The following NSUN7 variants were observed in gnomAD, a reference collection of about 807,000 sequenced individuals.
NSUN7 encodes protein NSUN7.
A neutral mutation model predicts 58.5 loss-of-function variants in NSUN7; 39 were observed. The observed-to-expected ratio is 0.67, with a 90% CI of 0.52 to 0.87. The LOEUF is 0.87. Ranked by LOEUF, NSUN7 falls within the 40% of genes least tolerant of loss-of-function variation. NSUN7 has a pLI of 0.00. For synonymous variants in NSUN7, 278 were observed against 303.7 expected, an observed-to-expected ratio of 0.92 and a Z score of 0.88; for missense variants, 765 against 844.1, an observed-to-expected ratio of 0.91 and a Z score of 1.16.
intron 11 of NSUN7, among the ~76,000 whole-genome samples, 179 bp downstream of exon 11, chr4:40,807,363 T>C (rs1743850500): frequency 6.6e-6 from 1 of 151,724 alleles, no homozygotes; most frequent in African/African-American, 2.4e-5. Context: ...TTTTTTTTTT[T>C]TTTGAGACAG....
intron 9 of NSUN7, among the ~76,000 whole-genome samples, chr4:40,795,667 T>A (rs1289126784): frequency 6.6e-6 from 1 of 152,182 alleles, no homozygotes. Flanking sequence ...TAGTTTCCCA[T>A]AAGGAAATAC....
chr4:40,764,234 C>A (rs575888755), intron 4 of NSUN7, among the ~76,000 whole-genome samples: 15 of 118,798 alleles, frequency 1.3e-4, no homozygotes, highest in East Asian at 3.3e-4. Context: ...CCCCTCCCCC[C>A]ACCCCACAAC....
rs1743839067 is a variant in NSUN7 at position 40,807,153 on chromosome 4, A to G, written c.1493A>G (p.Asn498Ser). The change falls in exon 11 of 12, where the codon AAT (asparagine) becomes AGT (serine). Residue 498 changes from asparagine (N) to serine (S), a missense_variant. Coordinates refer to ENST00000381782, the MANE Select transcript of NSUN7 (RefSeq NM_024677.6). ...FFRMEPSEITNGCFLSILTRE... is the reference protein window; with the variant it reads ...FFRMEPSEITSGCFLSILTRE... ...AGAATGGAACCATCTGAAATTACCA[A>G]TGGTTGTTTTCTTTCTATTTTAACA... The G allele has an allele frequency of 1.3e-6, 2 of 1,550,118 alleles. No individual in the cohort carries two copies. The highest frequency in any genetic ancestry group is 1.4e-5 in the African/African-American group (1 of 72,888).
At chr4:40,768,662 C>CT (rs992207579) in intron 4 of NSUN7, among the ~76,000 whole-genome samples, 2 of 152,054 alleles carry the variant, frequency 1.3e-5, no homozygotes, top group Non-Finnish European at 2.9e-5. Context: ...TTTTTCTTCA[C>CT]TTATTCGTGG....
At position 40,783,846 on chromosome 4, in the gene NSUN7, TA is replaced by T. The variant is rs1324132904; in HGVS notation, c.1037-6741del. Among the ~76,000 whole-genome samples, 426 of 142,116 alleles carry T rather than the reference TA, an allele frequency of 3.0e-3. 1 individual carries two copies. Among genetic ancestry groups the T allele is most frequent in the East Asian group, 5.7e-3 (28 of 4,924 alleles). The allele number at this position is 142,116 out of a possible 152,430, so 93.2% of individuals were successfully genotyped here. On this transcript the variant is annotated intron_variant, in intron 7 of 11. Transcript: ENST00000381782. ...CTAGGCAACAGAGCGAGAATCCATT[TA>T]AAAAAAAAAAAAAAGATAACTCACA...
At chr4:40,787,949 C>T (rs769575897) in intron 7 of NSUN7, among the ~76,000 whole-genome samples, 3 of 152,176 alleles carry the variant, frequency 2.0e-5, no homozygotes, top group Non-Finnish European at 4.4e-5. Flanking sequence ...ATTCTCCTGC[C>T]TCACCCTCCT....
intron 6 of NSUN7, 44 bp downstream of exon 6, chr4:40,774,994 C>A: frequency 1.2e-6 from 1 of 806,286 alleles, no homozygotes; most frequent in Non-Finnish European, 2.0e-6. Context: ...ACAATCCAAC[C>A]TAGCCAAAGA....
chr4:40,808,040 A>G lies in NSUN7; in HGVS notation c.1525-267A>G, dbSNP rs887579709. Among the ~76,000 whole-genome samples the G allele has an allele frequency of 3.3e-5, 5 of 151,622 alleles. No homozygotes were observed. The East Asian group carries it at 9.7e-4, about 29-fold the overall frequency. On this transcript the variant is annotated intron_variant, in intron 11 of 11. Transcript: ENST00000381782. ...GCAAGACTCCATCTCAAAAAAAAAAAAAAAAAAAAAAAATCTGTGTGATTC... is the reference window on the plus strand; with the variant it reads ...GCAAGACTCCATCTCAAAAAAAAAAGAAAAAAAAAAAAATCTGTGTGATTC...
intron 3 of NSUN7, among the ~76,000 whole-genome samples, chr4:40,760,818 C>CAT (rs1741421034): frequency 6.8e-6 from 1 of 146,910 alleles, no homozygotes; most frequent in Non-Finnish European, 1.5e-5. Flanking sequence ...AGCTAGATTG[C>CAT]GCCATTGCAC....
intron 1 of NSUN7, 139 bp from the exon 2 acceptor site, chr4:40,750,462 AGC>A: frequency 1.2e-5 from 2 of 171,374 alleles, no homozygotes; most frequent in Non-Finnish European, 1.1e-5. Context: ...TTTTTTTTTG[AGC>A]GTCCCAGGCT....
intron 7 of NSUN7, among the ~76,000 whole-genome samples, chr4:40,779,535 C>A (rs1376688092): frequency 6.6e-6 from 1 of 151,998 alleles, no homozygotes; most frequent in South Asian, 2.1e-4. Context: ...ACCTGGGAGG[C>A]GGAGCTTGCA....
chr4:40,757,472 C>T (rs1741197536), intron 2 of NSUN7, among the ~76,000 whole-genome samples: 1 of 149,614 alleles, frequency 6.7e-6, no homozygotes. Context: ...CATGGTAAGG[C>T]AAGGAGCATC....
Position 40,777,579 on chromosome 4 carries a change from G to A in NSUN7, c.1036+1320G>A, listed in dbSNP as rs113002125. ...GATCCACCCATCTTGGCCTCCCAAA[G>A]TGCTAGGATTACAGGCGTGAGCCAC... On this transcript the variant is annotated intron_variant, in intron 7 of 11. Coordinates refer to ENST00000381782, the MANE Select transcript of NSUN7 (RefSeq NM_024677.6). Among the ~76,000 whole-genome samples, 1,132 of 152,284 alleles carry A rather than the reference G, an allele frequency of 7.4e-3. 12 individuals carry two copies. The highest frequency in any genetic ancestry group is 0.012 in the Non-Finnish European group (840 of 68,016).
chr4:40,798,499 A>G (rs544729577), intron 9 of NSUN7, among the ~76,000 whole-genome samples: 2 of 152,350 alleles, frequency 1.3e-5, no homozygotes, highest in South Asian at 2.1e-4. Flanking sequence ...TATCAAGTTC[A>G]TGGTAACCTG....
chr4:40,772,828 T>C (rs1012474854), intron 4 of NSUN7, among the ~76,000 whole-genome samples: 3 of 152,180 alleles, frequency 2.0e-5, no homozygotes, highest in Admixed American at 6.5e-5. Context: ...ACAACTCAGA[T>C]CGTATTTGAC....
At position 40,798,878 on chromosome 4, in the gene NSUN7, C is replaced by T. The variant is rs1743435834; in HGVS notation, c.1374C>T (p.Asp458=). 1.9e-6 allele frequency: 3 copies of T among 1,606,876 alleles called. No individual in the cohort carries two copies. Among genetic ancestry groups the T allele is most frequent in the Non-Finnish European group, 2.6e-6 (3 of 1,174,518 alleles). The change falls in exon 10 of 12, where the codon GAC becomes GAT. Residue 458 remains aspartate (D), a synonymous_variant. Coordinates refer to ENST00000381782, the MANE Select transcript of NSUN7 (RefSeq NM_024677.6). ...AVVKKALEFQ[D]LGNKGQPYRL... ...TTAAGAAAGCACTGGAATTTCAAGA[C>T]CTTGGGAATAAAGGACAACCTTACA...
chr4:40,785,850 T>C lies in NSUN7; in HGVS notation c.1037-4752T>C, dbSNP rs1742791979. 2.0e-5 allele frequency among the ~76,000 whole-genome samples: 3 copies of C among 152,234 alleles called. No homozygotes were observed. In the East Asian group the frequency reaches 5.8e-4, roughly 29 times the overall value. ...AGAAATAGTAAAGATTGATGATGCT[T>C]ACATGCATGATAAGAAGTTAGAAAA... On this transcript the variant is annotated intron_variant, in intron 7 of 11. Transcript: ENST00000381782.
chr4:40,751,931 G>C (rs1376236024), intron 2 of NSUN7, among the ~76,000 whole-genome samples: 1 of 152,192 alleles, frequency 6.6e-6, no homozygotes, highest in East Asian at 1.9e-4. Flanking sequence ...GGGAGGCAGA[G>C]GTTGCAGTGA....
chr4:40,757,657 A>ATATATATACATTGTGTG (rs1741221580), intron 2 of NSUN7, among the ~76,000 whole-genome samples: 2 of 144,738 alleles, frequency 1.4e-5, no homozygotes, highest in Non-Finnish European at 3.0e-5. Context: ...TACATTGTGT[A>ATATATATACATTGTGTG]TATATATACA....
Sources: allele counts gnomAD v4.1 joint callset (sites outside exome capture counted in the v4.1 genomes callset), GRCh38; gene constraint gnomAD v4.1.1; transcripts MANE v1.5; gene names NCBI Gene and HGNC (gene_info 2026-07-23, HGNC 2026-07-21).